GRM7: variants seen among roughly 807,000 people sequenced by gnomAD.
GRM7 encodes the protein metabotropic glutamate receptor 7.
In GRM7, 35 loss-of-function variants were observed where a neutral mutation model predicts 84.5. The ratio of observed to expected loss-of-function variants is 0.41; its 90% CI spans 0.32 to 0.55. GRM7 has a LOEUF of 0.55. GRM7 is among the 20% of genes least tolerant of loss of function. GRM7 has a pLI of 0.19. For missense variants in GRM7, 1,003 were observed against 1,194.6 expected, an observed-to-expected ratio of 0.84 and a Z score of 2.36; for synonymous variants, 487 against 455.1, an observed-to-expected ratio of 1.07 and a Z score of -0.89.
chr3:7,039,871 G>T (rs1696530047), intron 1 of GRM7, among the ~76,000 whole-genome samples: 1 of 152,136 alleles, frequency 6.6e-6, no homozygotes, highest in African/African-American at 2.4e-5. Flanking sequence ...GAATGTTTAT[G>T]AGTAGGAGCA....
intron 8 of GRM7, among the ~76,000 whole-genome samples, chr3:7,660,841 T>C (rs1329999734): frequency 6.8e-6 from 1 of 147,482 alleles, no homozygotes; most frequent in African/African-American, 2.4e-5. Flanking sequence ...CAACTGGTCT[T>C]GGCAAAGGCA....
intron 2 of GRM7, among the ~76,000 whole-genome samples, chr3:7,200,872 A>G (rs1305555029): frequency 2.0e-5 from 3 of 149,514 alleles, no homozygotes; most frequent in African/African-American, 7.4e-5. Flanking sequence ...AGTAGATTTT[A>G]TTTTAATAAA....
intron 9 of GRM7, among the ~76,000 whole-genome samples, chr3:7,733,645 C>T (rs904538209): frequency 6.6e-6 from 1 of 152,118 alleles, no homozygotes; most frequent in Non-Finnish European, 1.5e-5. Context: ...CTTATTTTAC[C>T]CAGTCCCTAT....
At chr3:7,008,759 C>T (rs141688662) in intron 1 of GRM7, among the ~76,000 whole-genome samples, 2,072 of 152,238 alleles carry the variant, frequency 0.014, 19 homozygotes, top group Middle Eastern at 0.027. Flanking sequence ...CAATAATCTC[C>T]TCTGTGGTTT....
chr3:7,114,039 A>G (rs1300856809), intron 1 of GRM7, among the ~76,000 whole-genome samples: 2 of 152,180 alleles, frequency 1.3e-5, no homozygotes, highest in African/African-American at 4.8e-5. Flanking sequence ...GCTACTATGC[A>G]TATTGCCTCT....
intron 1 of GRM7, among the ~76,000 whole-genome samples, chr3:6,897,173 T>G (rs551232824): frequency 2.6e-5 from 4 of 152,314 alleles, no homozygotes; most frequent in African/African-American, 9.6e-5. Flanking sequence ...AAATGAACCC[T>G]AAAAGTTCTG....
chr3:7,636,765 A>G (rs1230802150), intron 8 of GRM7, among the ~76,000 whole-genome samples: 2 of 152,150 alleles, frequency 1.3e-5, no homozygotes, highest in African/African-American at 4.8e-5. Flanking sequence ...AGCTCAGCTC[A>G]TGCCCTAACT....
intron 1 of GRM7, among the ~76,000 whole-genome samples, chr3:6,873,681 T>C (rs1695205706): frequency 6.6e-6 from 1 of 152,346 alleles, no homozygotes; most frequent in South Asian, 2.1e-4. Flanking sequence ...CCAGGTACTG[T>C]CTTTCCTAGC....
At chr3:7,563,441 C>A (rs958221501) in intron 7 of GRM7, among the ~76,000 whole-genome samples, 2 of 152,058 alleles carry the variant, frequency 1.3e-5, no homozygotes, top group Non-Finnish European at 2.9e-5. Context: ...AATGGCCCTA[C>A]TTTTCAAAGT....
At chr3:7,359,827 G>A (rs553555447) in intron 4 of GRM7, among the ~76,000 whole-genome samples, 1 of 148,496 alleles carries the variant, frequency 6.7e-6, no homozygotes, top group Non-Finnish European at 1.5e-5. Context: ...GTTAAGCAAA[G>A]TGCTTACACC....
intron 1 of GRM7, among the ~76,000 whole-genome samples, chr3:7,109,242 A>AGAG (rs1172812872): frequency 6.6e-6 from 1 of 152,144 alleles, no homozygotes; most frequent in Non-Finnish European, 1.5e-5. Context: ...AATTCAAGGA[A>AGAG]GAGGGTACTG....
intron 3 of GRM7, among the ~76,000 whole-genome samples, chr3:7,300,610 C>A (rs1434883609): frequency 6.6e-6 from 1 of 152,058 alleles, no homozygotes; most frequent in Non-Finnish European, 1.5e-5. Flanking sequence ...CTACTGTAGG[C>A]ACACTGCCGT....
chr3:7,131,113 G>A (rs535824982), intron 1 of GRM7, among the ~76,000 whole-genome samples: 3 of 152,094 alleles, frequency 2.0e-5, no homozygotes, highest in Admixed American at 1.3e-4. Context: ...GAGCTAGGAA[G>A]GACTGACAAA....
intron 2 of GRM7, among the ~76,000 whole-genome samples, chr3:7,274,185 C>T (rs1698968557): frequency 6.6e-6 from 1 of 151,972 alleles, no homozygotes; most frequent in Non-Finnish European, 1.5e-5. Flanking sequence ...ATTCCTTCTT[C>T]TAGTCCCTTG....
chr3:7,349,073 G>C (rs1693018577), intron 4 of GRM7, among the ~76,000 whole-genome samples: 1 of 152,056 alleles, frequency 6.6e-6, no homozygotes, highest in African/African-American at 2.4e-5. Flanking sequence ...TGAGAGCATT[G>C]TTTTCTTAAA....
At position 6,986,359 on chromosome 3, in the gene GRM7, A is replaced by G. The variant is rs139156877; in HGVS notation, c.519+124452A>G. On this transcript the variant is annotated intron_variant, in intron 1 of 9. Transcript: ENST00000357716. ...CAGATGGTACAAATTAAATATGTGC[A>G]GTGTTTTTGGTATATCAATTATGCC... Among the ~76,000 whole-genome samples the G allele has an allele frequency of 2.1e-3, 321 of 152,310 alleles. 1 individual carries two copies. The highest frequency in any genetic ancestry group is 6.8e-3 in the Middle Eastern group (2 of 294).
intron 1 of GRM7, among the ~76,000 whole-genome samples, chr3:6,952,435 C>G (rs1428169592): frequency 6.6e-6 from 1 of 152,254 alleles, no homozygotes; most frequent in Non-Finnish European, 1.5e-5. Flanking sequence ...CTGGAGGTCT[C>G]TTTGTGTGCA....
intron 1 of GRM7, among the ~76,000 whole-genome samples, chr3:6,977,121 G>A (rs1472220127): frequency 1.3e-5 from 2 of 152,158 alleles, no homozygotes; most frequent in Non-Finnish European, 2.9e-5. Context: ...TGGCAAGCCA[G>A]GAAGTTGTGG....
intron 1 of GRM7, among the ~76,000 whole-genome samples, chr3:6,995,185 G>C (rs1694787761): frequency 6.6e-6 from 1 of 152,172 alleles, no homozygotes; most frequent in Non-Finnish European, 1.5e-5. Context: ...AGTGATAAAT[G>C]CATTTTATTT....
Sources: allele counts gnomAD v4.1 joint callset (sites outside exome capture counted in the v4.1 genomes callset), GRCh38; gene constraint gnomAD v4.1.1; transcripts MANE v1.5; gene names NCBI Gene and HGNC (gene_info 2026-07-23, HGNC 2026-07-21).